Variants in OTOGL observed in about 807,000 individuals in gnomAD.
The protein encoded by OTOGL is otogelin like.
Under a neutral mutation model 318.5 loss-of-function variants are expected in OTOGL, and 285 were observed. The ratio of observed to expected loss-of-function variants is 0.89; its 90% CI spans 0.81 to 0.99. The LOEUF is 0.99. OTOGL is among the 50% of genes least tolerant of loss of function. The pLI is 0.00. For synonymous variants in OTOGL, 987 were observed against 936.5 expected (o/e 1.05, Z -0.99); for missense variants, 2,899 against 2,845.6 (o/e 1.02, Z -0.43).
At chr12:80,218,224 G>T (rs1221778406) in intron 5 of OTOGL, among the ~76,000 whole-genome samples, 1 of 152,168 alleles carries the variant, frequency 6.6e-6, no homozygotes, top group African/African-American at 2.4e-5. Context: ...TGCAAATACA[G>T]ATGTGCACCT....
chr12:80,131,765 A>G (rs1871255068), intron 1 of OTOGL: 1 of 152,248 alleles, frequency 6.6e-6, no homozygotes, highest in Admixed American at 6.5e-5. Context: ...AGAATCATTC[A>G]AGATAGATCT....
chr12:80,278,220 T>C lies in OTOGL; in HGVS notation c.2734T>C (p.Trp912Arg). 1 of 1,547,126 alleles carries C rather than the reference T, an allele frequency of 6.5e-7. No homozygotes were observed. Among genetic ancestry groups the C allele is most frequent in the South Asian group, 1.2e-5 (1 of 83,920 alleles). ...CYVPESCPCI[W>R]KDWEYLSGEV... The stretch of plus-strand genomic sequence containing the variant: ...TGTTCCTGAAAGCTGCCCATGTATT[T>C]GGAAAGATTGGGAGTATCTCTCAGG... The change falls in exon 25 of 59, where the codon TGG becomes CGG. Residue 912 changes from tryptophan (W) to arginine (R), a missense_variant. Coordinates refer to ENST00000547103, the MANE Select transcript of OTOGL (RefSeq NM_001378609.3).
intron 24 of OTOGL, 83 bp from the exon 25 acceptor site, chr12:80,278,085 G>A (rs1373801586): frequency 6.7e-6 from 7 of 1,050,674 alleles, no homozygotes; most frequent in Non-Finnish European, 8.6e-6. Context: ...ATAGATGACA[G>A]TGTTAATATG....
chr12:80,309,371 T>A (rs1189536009), intron 29 of OTOGL, among the ~76,000 whole-genome samples: 1 of 152,108 alleles, frequency 6.6e-6, no homozygotes, highest in East Asian at 1.9e-4. Context: ...GTGAATCTTA[T>A]AAGATTTATA....
intron 9 of OTOGL, 22 bp downstream of exon 9, chr12:80,233,119 T>C (rs1431367043): frequency 2.6e-6 from 4 of 1,558,094 alleles, no homozygotes; most frequent in East Asian, 4.5e-5. Flanking sequence ...AGAATAAATG[T>C]GTGGGTACCT....
intron 26 of OTOGL, among the ~76,000 whole-genome samples, chr12:80,290,031 G>A (rs1884929340): frequency 1.3e-5 from 2 of 152,288 alleles, no homozygotes; most frequent in Middle Eastern, 3.4e-3. Flanking sequence ...GGTGTCGTAG[G>A]CACACAAGGG....
chr12:80,227,889 C>T (rs890223391), intron 7 of OTOGL, among the ~76,000 whole-genome samples: 1 of 152,078 alleles, frequency 6.6e-6, no homozygotes, highest in Non-Finnish European at 1.5e-5. Context: ...TGACACATAC[C>T]CTATCCCCTT....
intron 1 of OTOGL, among the ~76,000 whole-genome samples, chr12:80,193,043 A>G (rs1276724106): frequency 2.0e-5 from 3 of 152,146 alleles, no homozygotes; most frequent in African/African-American, 7.2e-5. Context: ...TTTTTTAGCA[A>G]GATTTGGAAC....
intron 1 of OTOGL, among the ~76,000 whole-genome samples, chr12:80,188,294 C>G (rs1875435507): frequency 6.6e-6 from 1 of 152,166 alleles, no homozygotes; most frequent in South Asian, 2.1e-4. Flanking sequence ...AATCCCAGCA[C>G]TTTGAGAGGC....
chr12:80,183,486 G>A (rs1875075048), intron 1 of OTOGL, among the ~76,000 whole-genome samples: 1 of 152,148 alleles, frequency 6.6e-6, no homozygotes, highest in African/African-American at 2.4e-5. Flanking sequence ...GTTTTTGGGA[G>A]GAGTATATTA....
At chr12:80,267,231 A>G in intron 21 of OTOGL, 22 bp from the exon 22 acceptor site, 1 of 1,450,478 alleles carries the variant, frequency 6.9e-7, no homozygotes, top group Non-Finnish European at 9.4e-7. Context: ...TATCCTATTT[A>G]CTTTACTTTT....
chr12:80,228,967 A>G (rs974979515), intron 7 of OTOGL, among the ~76,000 whole-genome samples: 2 of 152,210 alleles, frequency 1.3e-5, no homozygotes, highest in Non-Finnish European at 2.9e-5. Flanking sequence ...TACTATTAGA[A>G]CTAATTTCTC....
At chr12:80,159,783 C>T (rs1309986676) in intron 1 of OTOGL, among the ~76,000 whole-genome samples, 1 of 152,018 alleles carries the variant, frequency 6.6e-6, no homozygotes, top group Non-Finnish European at 1.5e-5. Context: ...CAAAAGCCCA[C>T]ATAGCCAAAG....
At chr12:80,116,965 G>A (rs1870203845) in intron 1 of OTOGL, among the ~76,000 whole-genome samples, 1 of 152,136 alleles carries the variant, frequency 6.6e-6, no homozygotes, top group South Asian at 2.1e-4. Flanking sequence ...AGCAAGTGAG[G>A]TGGGGCTCTA....
intron 24 of OTOGL, among the ~76,000 whole-genome samples, chr12:80,277,110 ATTAT>A (rs891421515): frequency 5.7e-4 from 84 of 148,446 alleles, no homozygotes; most frequent in Non-Finnish European, 1.0e-3. Context: ...TTATTTATTT[ATTAT>A]TTATTATTTG....
intron 14 of OTOGL, among the ~76,000 whole-genome samples, 169 bp from the exon 15 acceptor site, chr12:80,254,355 A>C (rs1288478586): frequency 1.9e-5 from 2 of 106,566 alleles, no homozygotes; most frequent in Non-Finnish European, 4.1e-5. Flanking sequence ...TTTTATTATT[A>C]TTTATTGATT....
chr12:80,189,530 A>C, intron 1 of OTOGL: 1 of 902,784 alleles, frequency 1.1e-6, no homozygotes, highest in Non-Finnish European at 1.3e-6. Flanking sequence ...TTCTTGGAAG[A>C]AGTGAATTTC....
intron 1 of OTOGL, among the ~76,000 whole-genome samples, chr12:80,114,111 C>T (rs1298991467): frequency 6.6e-6 from 1 of 152,024 alleles, no homozygotes; most frequent in African/African-American, 2.4e-5. Context: ...TACCCATTTA[C>T]CTTTAATTTT....
intron 32 of OTOGL, among the ~76,000 whole-genome samples, chr12:80,317,676 TG>T (rs1241260675): frequency 6.6e-6 from 1 of 152,208 alleles, no homozygotes; most frequent in Non-Finnish European, 1.5e-5. Flanking sequence ...TGGAGGTTTT[TG>T]TCACTTTCCT....
Sources: gnomAD v4.1 joint callset for allele counts (sites outside exome capture counted in the v4.1 genomes callset) on GRCh38, gnomAD v4.1.1 for gene constraint, MANE v1.5 for transcripts, NCBI Gene and HGNC (gene_info 2026-07-23, HGNC 2026-07-21) for gene names.